Variants in PTPRG observed in about 807,000 individuals in gnomAD.
The protein encoded by PTPRG is protein tyrosine phosphatase receptor type G.
In PTPRG, 102 loss-of-function variants were observed where a neutral mutation model predicts 165.3. The ratio of observed to expected loss-of-function variants is 0.62; its 90% confidence interval spans 0.53 to 0.73. The LOEUF (loss-of-function observed/expected upper bound fraction) is 0.73. PTPRG is among the 30% of genes least tolerant of loss of function. PTPRG has a pLI of 0.00. For missense variants in PTPRG, 1,866 were observed against 1,861.4 expected, an observed-to-expected ratio of 1.00 and a Z score of -0.05; for synonymous variants, 675 against 669.5, an observed-to-expected ratio of 1.01 and a Z score of -0.13.
intron 2 of PTPRG, among the ~76,000 whole-genome samples, chr3:61,898,666 G>A (rs188048460): frequency 6.0e-4 from 92 of 152,300 alleles, no homozygotes; most frequent in Non-Finnish European, 9.8e-4. Context: ...TTGCAATGGA[G>A]TCTCTTTTCT....
At position 62,255,799 on chromosome 3, in the gene PTPRG, G is replaced by T. The variant is rs1281348455; in HGVS notation, c.2559+584G>T. Among the ~76,000 whole-genome samples the T allele has an allele frequency of 6.6e-6, 1 of 152,162 alleles. No individual in the cohort carries two copies. The highest frequency in any genetic ancestry group is 1.5e-5 in the Non-Finnish European group (1 of 68,014). On this transcript the variant is annotated intron_variant, in intron 16 of 29. Transcript: ENST00000474889. This position sits in a 1 kb window ranked among gnomAD's most constrained non-coding sequence, Gnocchi z 4.0. ...AAGAACCATGCAAAGGTTGACTGTTGTTGTTTTCATGATTATTAATCCTTG... is the reference window on the plus strand; with the variant it reads ...AAGAACCATGCAAAGGTTGACTGTTTTTGTTTTCATGATTATTAATCCTTG...
rs1702999913 is a variant in PTPRG at position 62,294,489 on chromosome 3, T to C, written c.*1182T>C. The C allele has an allele frequency of 6.6e-6, 1 of 152,152 alleles. No individual in the cohort carries two copies. The highest frequency in any genetic ancestry group is 2.4e-5 in the African/African-American group (1 of 41,458). 9.4% of individuals were successfully genotyped at this position (152,152 alleles called of 1,614,324 possible). Reference sequence around the variant, plus strand: ...TTAATTAAAGGTGATACCCACATTTTCAAGTTTTTAAAAGAGGGAGATGGC... The same window carrying C: ...TTAATTAAAGGTGATACCCACATTTCCAAGTTTTTAAAAGAGGGAGATGGC... On this transcript the variant is annotated 3_prime_UTR_variant, in exon 30 of 30. Coordinates refer to ENST00000474889, the MANE Select transcript of PTPRG (RefSeq NM_002841.4).
chr3:61,718,097 G>C (rs919177560), intron 1 of PTPRG, among the ~76,000 whole-genome samples: 1 of 151,822 alleles, frequency 6.6e-6, no homozygotes, highest in Non-Finnish European at 1.5e-5. Context: ...CAGGAGAGTT[G>C]CTTGACTGGG....
intron 6 of PTPRG, among the ~76,000 whole-genome samples, chr3:62,134,037 A>G (rs1307275691): frequency 1.3e-5 from 2 of 152,134 alleles, no homozygotes; most frequent in Non-Finnish European, 2.9e-5. Context: ...AGTTTCTGGA[A>G]GGGTACTAGC....
chr3:62,176,193 A>G (rs945101305), intron 8 of PTPRG, among the ~76,000 whole-genome samples: 5 of 152,132 alleles, frequency 3.3e-5, no homozygotes, highest in African/African-American at 4.8e-5. Flanking sequence ...TAGTAAAAGT[A>G]TAAGTGATCA....
At chr3:62,057,055 C>T (rs1700657534) in intron 4 of PTPRG, among the ~76,000 whole-genome samples, 1 of 152,200 alleles carries the variant, frequency 6.6e-6, no homozygotes, top group Admixed American at 6.5e-5. Flanking sequence ...ATCTAAACAA[C>T]AAGGATTATC....
At chr3:61,876,714 G>A (rs890542962) in intron 2 of PTPRG, among the ~76,000 whole-genome samples, 2 of 152,098 alleles carry the variant, frequency 1.3e-5, no homozygotes, top group African/African-American at 2.4e-5. Context: ...TTTGAGACCA[G>A]CCTGGCCAAC....
intron 8 of PTPRG, among the ~76,000 whole-genome samples, chr3:62,179,714 CA>C (rs1457092250): frequency 6.6e-6 from 1 of 152,222 alleles, no homozygotes; most frequent in Non-Finnish European, 1.5e-5. Context: ...CTGGTCTCTC[CA>C]TCAACTGACA....
intron 2 of PTPRG, among the ~76,000 whole-genome samples, chr3:61,936,471 A>AT (rs771435997): frequency 1.3e-5 from 2 of 152,150 alleles, no homozygotes; most frequent in Non-Finnish European, 2.9e-5. Flanking sequence ...GGGCATCATC[A>AT]TAGTTTACTG....
chr3:61,897,418 G>A (rs1229631055), intron 2 of PTPRG, among the ~76,000 whole-genome samples: 1 of 151,934 alleles, frequency 6.6e-6, no homozygotes, highest in Non-Finnish European at 1.5e-5. Context: ...GTCTATTTCT[G>A]GGTTCTCTCT....
At position 62,245,467 on chromosome 3, in the gene PTPRG, GAA is replaced by G. The variant is rs1470226174; in HGVS notation, c.2467+1571_2467+1572del. On this transcript the variant is annotated intron_variant, in intron 15 of 29. Transcript: ENST00000474889. This position sits in a 1 kb window ranked among gnomAD's most constrained non-coding sequence, Gnocchi z 4.2. ...TCAGTTGTTTGGTAGCTGTGTAACT[GAA>G]ATCCATTTTTGAAGAGTTAAATGGT... Among the ~76,000 whole-genome samples, 1 of 152,148 alleles carries G rather than the reference GAA, an allele frequency of 6.6e-6. No homozygotes were observed. Among genetic ancestry groups the G allele is most frequent in the African/African-American group, 2.4e-5 (1 of 41,438 alleles).
chr3:61,656,953 T>C (rs998253234), intron 1 of PTPRG, among the ~76,000 whole-genome samples: 13 of 152,262 alleles, frequency 8.5e-5, no homozygotes, highest in Admixed American at 8.5e-4. Context: ...GGAGAGAAGA[T>C]TCCTTTCCCT....
chr3:62,043,431 A>G (rs1700188303), intron 4 of PTPRG, among the ~76,000 whole-genome samples: 1 of 152,196 alleles, frequency 6.6e-6, no homozygotes, highest in Non-Finnish European at 1.5e-5. Context: ...AAGAATTTTT[A>G]TATCTGCCTT....
At chr3:61,604,278 T>G (rs1053578936) in intron 1 of PTPRG, among the ~76,000 whole-genome samples, 8 of 152,278 alleles carry the variant, frequency 5.3e-5, no homozygotes, top group African/African-American at 1.9e-4. Flanking sequence ...GAGCAGAGAT[T>G]GCACCACTGC....
chr3:61,713,083 T>A (rs908099150), intron 1 of PTPRG, among the ~76,000 whole-genome samples: 6 of 152,194 alleles, frequency 3.9e-5, no homozygotes, highest in Admixed American at 3.9e-4. Context: ...TTTTTCCTAG[T>A]TTCTCCTAAA....
chr3:61,724,265 A>G (rs1305526126), intron 1 of PTPRG, among the ~76,000 whole-genome samples: 1 of 151,838 alleles, frequency 6.6e-6, no homozygotes, highest in Non-Finnish European at 1.5e-5. Context: ...TAATATGTAT[A>G]TAGTGTGTGA....
Position 62,262,893 on chromosome 3 carries a change from A to G in PTPRG, c.2655A>G (p.Ala885=). ...AAAACAGATACATCAACATTTTAGC[A>G]TGTGAGTAATAAGCTTTAAACTACC... ...KHKNRYINIL[A]YDHSRVKLRP... Residue 885 remains alanine (A), a splice_region_variant and synonymous_variant, in exon 17 of 30, where the codon GCA becomes GCG. Transcript: ENST00000474889. 6.2e-7 allele frequency: 1 copy of G among 1,605,854 alleles called. No individual in the cohort carries two copies. The highest frequency in any genetic ancestry group is 8.5e-7 in the Non-Finnish European group (1 of 1,172,534).
chr3:61,768,834 G>T (rs1194973510), intron 2 of PTPRG, among the ~76,000 whole-genome samples: 1 of 152,110 alleles, frequency 6.6e-6, no homozygotes, highest in African/African-American at 2.4e-5. Flanking sequence ...TCCTGAGTTG[G>T]CTCAGTGTCT....
chr3:61,591,283 G>A (rs1034047340), intron 1 of PTPRG, among the ~76,000 whole-genome samples: 1 of 152,196 alleles, frequency 6.6e-6, no homozygotes, highest in African/African-American at 2.4e-5. Flanking sequence ...CCTTCTTATG[G>A]TACTGGATAC....
Sources: allele counts gnomAD v4.1 joint callset (sites outside exome capture counted in the v4.1 genomes callset), GRCh38; gene constraint gnomAD v4.1.1; non-coding constraint Gnocchi (gnomAD v3.1); transcripts MANE v1.5; gene names NCBI Gene and HGNC (gene_info 2026-07-23, HGNC 2026-07-21).